AKAP19: variants seen among roughly 807,000 people sequenced by gnomAD.
AKAP19 encodes the protein A-kinase anchoring protein 19, also known as small A-kinase anchoring protein.
At chr2:189,934,569 A>G in the AKAP19 span, among the ~76,000 whole-genome samples, 6 of 151,796 alleles carry the variant, frequency 4.0e-5, no homozygotes. Context: ...ATTTAAATCT[A>G]GAATTTTAAG....
At chr2:190,136,234 C>T in the AKAP19 span, among the ~76,000 whole-genome samples, 1 of 152,264 alleles carries the variant, frequency 6.6e-6, no homozygotes, top group African/African-American at 2.4e-5. Context: ...TAATTCCAAA[C>T]TTAAAAATGT....
chr2:190,126,152 G>T, the AKAP19 span, among the ~76,000 whole-genome samples: 6 of 151,148 alleles, frequency 4.0e-5, no homozygotes, highest in Non-Finnish European at 7.4e-5. Flanking sequence ...TTAGCCGGGC[G>T]TGGTGGAGCA....
At chr2:189,974,802 C>T in the AKAP19 span, among the ~76,000 whole-genome samples, 1 of 152,104 alleles carries the variant, frequency 6.6e-6, no homozygotes, top group South Asian at 2.1e-4. Flanking sequence ...AAGATTGCAA[C>T]CCCTGCCTTT....
chr2:190,024,707 C>T, the AKAP19 span, among the ~76,000 whole-genome samples: 1 of 152,086 alleles, frequency 6.6e-6, no homozygotes, highest in Non-Finnish European at 1.5e-5. Flanking sequence ...TGTAAGCCTC[C>T]AAGGCAGCCT....
the AKAP19 span, among the ~76,000 whole-genome samples, chr2:189,921,791 G>T: frequency 6.6e-6 from 1 of 152,132 alleles, no homozygotes; most frequent in Middle Eastern, 3.2e-3. Context: ...AGGAAGGTGT[G>T]CAGACATATC....
chr2:190,141,734 A>T, the AKAP19 span, among the ~76,000 whole-genome samples: 1 of 152,204 alleles, frequency 6.6e-6, no homozygotes, highest in Non-Finnish European at 1.5e-5. Flanking sequence ...AAACAATATC[A>T]AAGGAGTTTT....
chr2:190,046,702 C>G, the AKAP19 span, among the ~76,000 whole-genome samples: 1 of 152,234 alleles, frequency 6.6e-6, no homozygotes, highest in Admixed American at 6.5e-5. Context: ...ACAAAAATCA[C>G]AAGTATCTAA....
the AKAP19 span, among the ~76,000 whole-genome samples, chr2:189,886,848 G>A: frequency 2.6e-5 from 4 of 152,188 alleles, no homozygotes; most frequent in Admixed American, 2.6e-4. Flanking sequence ...TGGCAGCAAG[G>A]TGTGAGGGAG....
chr2:190,042,205 G>T, the AKAP19 span, among the ~76,000 whole-genome samples: 2 of 152,016 alleles, frequency 1.3e-5, no homozygotes, highest in South Asian at 2.1e-4. Context: ...GCTTGCTATT[G>T]GTCTGTTCAG....
At chr2:190,131,261 A>G in the AKAP19 span, among the ~76,000 whole-genome samples, 1 of 152,344 alleles carries the variant, frequency 6.6e-6, no homozygotes, top group African/African-American at 2.4e-5. Flanking sequence ...AGACTAAGCC[A>G]TAGTTCTAAG....
At chr2:190,183,316 G>A in the AKAP19 span, among the ~76,000 whole-genome samples, 3 of 152,056 alleles carry the variant, frequency 2.0e-5, no homozygotes, top group South Asian at 2.1e-4. Context: ...TAATGAATTC[G>A]CTGGACTCAG....
At chr2:189,969,951 C>A in the AKAP19 span, among the ~76,000 whole-genome samples, 1 of 147,966 alleles carries the variant, frequency 6.8e-6, no homozygotes, top group African/African-American at 2.5e-5. Context: ...CAGCTCACTG[C>A]AGCCTCAATC....
chr2:189,899,860 C>T, the AKAP19 span, among the ~76,000 whole-genome samples: 6 of 151,968 alleles, frequency 3.9e-5, no homozygotes, highest in Non-Finnish European at 2.9e-5. Flanking sequence ...AAAAATGTTG[C>T]TATTTATTTT....
At chr2:190,011,620 T>C in the AKAP19 span, among the ~76,000 whole-genome samples, 3 of 152,202 alleles carry the variant, frequency 2.0e-5, no homozygotes, top group Non-Finnish European at 4.4e-5. Context: ...CAGTGTGAGA[T>C]AAGGGTCTAA....
the AKAP19 span, among the ~76,000 whole-genome samples, chr2:190,022,766 A>AT: frequency 0.018 from 2,655 of 148,714 alleles, 68 homozygotes; most frequent in African/African-American, 0.056. Flanking sequence ...GTATTCTATA[A>AT]TTTTTTTTTT....
At chr2:190,020,212 T>C in the AKAP19 span, among the ~76,000 whole-genome samples, 23 of 152,108 alleles carry the variant, frequency 1.5e-4, no homozygotes, top group African/African-American at 4.8e-4. Flanking sequence ...TTAGATAAAA[T>C]TCTGAGATGA....
chr2:190,127,411 G>A, the AKAP19 span, among the ~76,000 whole-genome samples: 1 of 151,654 alleles, frequency 6.6e-6, no homozygotes, highest in Non-Finnish European at 1.5e-5. Flanking sequence ...AAGTAAATGG[G>A]ATATTGAGAA....
chr2:190,133,393 C>T, the AKAP19 span, among the ~76,000 whole-genome samples: 4 of 151,852 alleles, frequency 2.6e-5, no homozygotes, highest in Non-Finnish European at 5.9e-5. Context: ...TAAGATATCA[C>T]CTGACACCTA....
At chr2:189,940,625 G>A in the AKAP19 span, among the ~76,000 whole-genome samples, 2 of 147,936 alleles carry the variant, frequency 1.4e-5, no homozygotes, top group African/African-American at 2.7e-5. Context: ...CAAAACTTGA[G>A]GAGATAAATA....
Sources: gnomAD v4.1 joint callset for allele counts (sites outside exome capture counted in the v4.1 genomes callset) on GRCh38, gnomAD v4.1.1 for gene constraint, MANE v1.5 for transcripts, NCBI Gene and HGNC (gene_info 2026-07-23, HGNC 2026-07-21) for gene names.